The following TENM4 variants were observed in gnomAD, a reference collection of about 807,000 sequenced individuals.
The protein encoded by TENM4 is teneurin transmembrane protein 4.
A neutral mutation model predicts 243.3 loss-of-function variants in TENM4; 82 were observed. The observed-to-expected ratio is 0.34, with a 90% CI of 0.28 to 0.40. The LOEUF is 0.40. Among genes scored for constraint, TENM4 ranks in the 10% least tolerant of loss-of-function variants. TENM4 has a pLI of 1.00. For missense variants in TENM4, 3,138 were observed against 3,673.3 expected (o/e 0.85, Z 3.77); for synonymous variants, 1,412 against 1,456.3 (o/e 0.97, Z 0.69).
chr11:79,156,324 T>C (rs966288036), intron 3 of TENM4, among the ~76,000 whole-genome samples: 1 of 152,206 alleles, frequency 6.6e-6, no homozygotes, highest in Non-Finnish European at 1.5e-5. Context: ...ATGTGCGAGG[T>C]GCTTGTCAGC....
At chr11:79,227,402 G>C (rs371714254) in intron 2 of TENM4, among the ~76,000 whole-genome samples, 2 of 152,312 alleles carry the variant, frequency 1.3e-5, no homozygotes, top group South Asian at 4.1e-4. Context: ...GTCGAGAGGG[G>C]TTTCTTTTTT....
rs928359239 is a variant in TENM4 at position 78,806,114 on chromosome 11, A to G, written c.1979-622T>C. 8.5e-5 allele frequency among the ~76,000 whole-genome samples: 13 copies of G among 152,068 alleles called. No homozygotes were observed. The East Asian group carries it at 2.5e-3, about 29-fold the overall frequency. ...AGACCAGCCTGGGCAACACAGCGAG[A>G]TCCTGTCTCTACAAAAAATAAAAAA... On this transcript the variant is annotated intron_variant, in intron 14 of 33. Coordinates refer to ENST00000278550, the MANE Select transcript of TENM4 (RefSeq NM_001098816.3).
In TENM4 at chr11:79,383,609, G is replaced by A. The variant is rs11823269; in HGVS notation, c.-321+56900C>T. On this transcript the variant is annotated intron_variant, in intron 1 of 33. Coordinates refer to ENST00000278550, the MANE Select transcript of TENM4 (RefSeq NM_001098816.3). ...GTCTTCATGTTCTGTGCCAGGTGTG[G>A]GTGCTGGAGATGCAAGCTGTGGGCC... is the stretch of plus-strand genomic sequence containing the variant. Among the ~76,000 whole-genome samples the A allele has an allele frequency of 2.0e-3, 306 of 152,260 alleles. 2 individuals carry two copies. Among genetic ancestry groups the A allele is most frequent in the Admixed American group, 0.018 (283 of 15,300 alleles).
At chr11:79,248,481 T>G (rs1037400504) in intron 2 of TENM4, among the ~76,000 whole-genome samples, 1 of 152,188 alleles carries the variant, frequency 6.6e-6, no homozygotes, top group Non-Finnish European at 1.5e-5. Context: ...CCCCACACTT[T>G]GGGGAACGTC....
At chr11:78,923,086 G>A (rs946677310) in intron 6 of TENM4, among the ~76,000 whole-genome samples, 75 of 152,258 alleles carry the variant, frequency 4.9e-4, no homozygotes, top group African/African-American at 1.8e-3. Context: ...CAAGTGGGAG[G>A]CAGAGCAGTG....
chr11:78,887,818 CACTT>C (rs1001258567), intron 9 of TENM4, among the ~76,000 whole-genome samples: 22 of 152,336 alleles, frequency 1.4e-4, no homozygotes, highest in Admixed American at 5.9e-4. Flanking sequence ...ATCATGTAAA[CACTT>C]ACTCTTTCTC....
At chr11:79,413,260 C>G (rs1338139623) in intron 1 of TENM4, among the ~76,000 whole-genome samples, 1 of 152,204 alleles carries the variant, frequency 6.6e-6, no homozygotes, top group Non-Finnish European at 1.5e-5. Flanking sequence ...GCAATTGTCC[C>G]CAGTTCCCAA....
At chr11:79,031,850 T>C (rs1859248482) in intron 6 of TENM4, among the ~76,000 whole-genome samples, 2 of 152,200 alleles carry the variant, frequency 1.3e-5, no homozygotes, top group South Asian at 4.1e-4. Context: ...AGAGCAATGT[T>C]TGGAGACATT....
chr11:79,435,660 G>A (rs888348758), intron 1 of TENM4, among the ~76,000 whole-genome samples: 1 of 152,240 alleles, frequency 6.6e-6, no homozygotes, highest in African/African-American at 2.4e-5. Context: ...CTGTGTAGCT[G>A]TTTGTTAGAC....
intron 2 of TENM4, among the ~76,000 whole-genome samples, chr11:79,250,823 CA>C (rs1855597582): frequency 6.6e-6 from 1 of 152,166 alleles, no homozygotes; most frequent in African/African-American, 2.4e-5. Flanking sequence ...CTTTTTAAAT[CA>C]AATAGGTGTC....
intron 20 of TENM4, among the ~76,000 whole-genome samples, chr11:78,736,033 C>A (rs886864451): frequency 1.8e-4 from 28 of 152,096 alleles, no homozygotes; most frequent in African/African-American, 6.7e-4. Context: ...CTCACTGAAG[C>A]CTTGACCTCC....
In TENM4 at chr11:79,215,905, C is replaced by G. The variant is rs963374703; in HGVS notation, c.-260G>C. On this transcript the variant is annotated 5_prime_UTR_variant, in exon 3 of 34. Transcript: ENST00000278550. Reference sequence around the variant, plus strand: ...TGGATCCTGGAGGATGGTGCGGGATCTTTTCTGTTGAAGCAGAGAACACAG... The same window carrying G: ...TGGATCCTGGAGGATGGTGCGGGATGTTTTCTGTTGAAGCAGAGAACACAG... 1 of 978,924 alleles carries G rather than the reference C, an allele frequency of 1.0e-6. No homozygotes were observed. The highest frequency in any genetic ancestry group is 1.2e-6 in the Non-Finnish European group (1 of 823,668). 60.6% of individuals were successfully genotyped at this position (978,924 alleles called of 1,614,324 possible).
intron 29 of TENM4, 126 bp from the exon 30 acceptor site, chr11:78,676,513 A>C: frequency 1.6e-6 from 1 of 614,538 alleles, no homozygotes. Context: ...ATACATCATC[A>C]CTGAAGAAAG....
chr11:79,242,274 T>C (rs1565265063), intron 2 of TENM4, among the ~76,000 whole-genome samples: 1 of 152,186 alleles, frequency 6.6e-6, no homozygotes, highest in Non-Finnish European at 1.5e-5. Flanking sequence ...AGCTGTCATA[T>C]CCCTCGCCAG....
chr11:78,737,483 C>T (rs1186996639), intron 20 of TENM4, among the ~76,000 whole-genome samples: 1 of 152,228 alleles, frequency 6.6e-6, no homozygotes, highest in African/African-American at 2.4e-5. Context: ...GGGACATGTT[C>T]ACATCTGATA....
At chr11:79,045,877 G>T (rs1365878872) in intron 6 of TENM4, among the ~76,000 whole-genome samples, 1 of 152,128 alleles carries the variant, frequency 6.6e-6, no homozygotes, top group South Asian at 2.1e-4. Flanking sequence ...GTGCAGACAC[G>T]CAAAACACAC....
At chr11:78,943,605 T>C (rs1001772554) in intron 6 of TENM4, among the ~76,000 whole-genome samples, 1 of 152,230 alleles carries the variant, frequency 6.6e-6, no homozygotes, top group Non-Finnish European at 1.5e-5. Flanking sequence ...ATAGAAATTT[T>C]CAAGGCATAT....
chr11:79,061,685 T>C (rs1302050942), intron 6 of TENM4, among the ~76,000 whole-genome samples: 1 of 152,220 alleles, frequency 6.6e-6, no homozygotes, highest in Non-Finnish European at 1.5e-5. Context: ...GCAAGAAGCC[T>C]TCAAAAGAAC....
intron 6 of TENM4, among the ~76,000 whole-genome samples, chr11:78,975,214 T>C (rs1028892102): frequency 2.6e-5 from 4 of 152,048 alleles, no homozygotes; most frequent in Middle Eastern, 3.4e-3. Context: ...GAAGACTCAC[T>C]GAGCTCCATG....
Sources: allele counts gnomAD v4.1 joint callset (sites outside exome capture counted in the v4.1 genomes callset), GRCh38; gene constraint gnomAD v4.1.1; transcripts MANE v1.5; gene names NCBI Gene and HGNC (gene_info 2026-07-23, HGNC 2026-07-21).